The following DGKB variants were observed in gnomAD, a reference collection of about 807,000 sequenced individuals.
The protein encoded by DGKB is 90 kDa diacylglycerol kinase.
DGKB carries 67 observed loss-of-function variants against 114.3 expected under a neutral mutation model. The ratio of observed to expected loss-of-function variants is 0.59; its 90% CI spans 0.48 to 0.72. The LOEUF (loss-of-function observed/expected upper bound fraction) is 0.72. Ranked by LOEUF, DGKB falls within the 30% of genes least tolerant of loss-of-function variation. DGKB has a pLI of 0.00. For synonymous variants in DGKB, 398 were observed against 323.1 expected, an observed-to-expected ratio of 1.23 and a Z score of -2.49; for missense variants, 907 against 975.2, an observed-to-expected ratio of 0.93 and a Z score of 0.93.
At chr7:14,216,725 CAAAAAAA>C (rs755191130) in intron 23 of DGKB, among the ~76,000 whole-genome samples, 19 of 50,352 alleles carry the variant, frequency 3.8e-4, no homozygotes, top group Non-Finnish European at 6.0e-4. Context: ...GACTCCGTCT[CAAAAAAA>C]AAAAAAAAAA....
chr7:14,812,224 A>G (rs1392344838), intron 2 of DGKB, among the ~76,000 whole-genome samples: 1 of 152,136 alleles, frequency 6.6e-6, no homozygotes, highest in Non-Finnish European at 1.5e-5. Flanking sequence ...GCTTTTAGTT[A>G]TTATGAATAA....
rs372662701 is a variant in DGKB, at chr7:14,609,488, T to G, written c.1359-1980A>C. Among the ~76,000 whole-genome samples, 5 of 152,024 alleles carry G rather than the reference T, an allele frequency of 3.3e-5. No homozygotes were observed. The East Asian group carries it at 7.7e-4, about 24-fold the overall frequency. ...CGTGACAATGGCTTTGGCAACACAT[T>G]TTTTATTAAGTCCTCAAATTGCAAC... On this transcript the variant is annotated intron_variant, in intron 16 of 25. Coordinates refer to ENST00000402815, the MANE Select transcript of DGKB (RefSeq NM_001350709.2).
intron 1 of DGKB, among the ~76,000 whole-genome samples, chr7:14,872,487 G>C (rs1295385964): frequency 6.6e-6 from 1 of 152,134 alleles, no homozygotes; most frequent in Admixed American, 6.6e-5. Flanking sequence ...CTAAGTTTCT[G>C]CCTTATGTTA....
At chr7:14,187,736 G>T (rs972735615) in intron 23 of DGKB, among the ~76,000 whole-genome samples, 1 of 152,086 alleles carries the variant, frequency 6.6e-6, no homozygotes, top group Non-Finnish European at 1.5e-5. Context: ...ACTCCATAAT[G>T]TTGGAAAAAA....
chr7:14,731,362 T>C (rs1461551942), intron 5 of DGKB, among the ~76,000 whole-genome samples: 1 of 152,134 alleles, frequency 6.6e-6, no homozygotes, highest in Non-Finnish European at 1.5e-5. Context: ...TTGAGGTACG[T>C]TATGTCTGAC....
chr7:14,201,733 C>T (rs546467359), intron 23 of DGKB, among the ~76,000 whole-genome samples: 40 of 151,714 alleles, frequency 2.6e-4, no homozygotes, highest in African/African-American at 8.2e-4. Context: ...ATAGAGAGGA[C>T]GGCCTGGTGA....
At chr7:14,728,894 G>A (rs1204211942) in intron 5 of DGKB, among the ~76,000 whole-genome samples, 3 of 151,720 alleles carry the variant, frequency 2.0e-5, no homozygotes, top group African/African-American at 4.8e-5. Context: ...GTAAAGACGG[G>A]TTTCACTATG....
At position 14,418,392 on chromosome 7, in the gene DGKB, T is replaced by TAC. The variant is rs68166303; in HGVS notation, c.1835+59767_1835+59768dup. ...GTGTGTATATATATATATATATATA[T>TAC]ACACACACACATATATTCATGTGAG... On this transcript the variant is annotated intron_variant, in intron 21 of 25. Transcript: ENST00000402815. Among the ~76,000 whole-genome samples the TAC allele has an allele frequency of 2.5e-3, 344 of 137,060 alleles. 1 individual carries two copies. Among genetic ancestry groups the TAC allele is most frequent in the African/African-American group, 5.2e-3 (187 of 35,890 alleles). 89.9% of individuals were successfully genotyped at this position (137,060 alleles called of 152,430 possible). A position where few individuals can be genotyped will look rare whatever the true frequency, so the allele number is the denominator to read the frequency against.
Position 14,751,142 on chromosome 7 carries a change from A to C in DGKB, c.168+2786T>G, listed in dbSNP as rs184008010. ...AAGCCATTTCTAATGATGAAAAAGC[A>C]CAAGTAAAAACAACAGATAAACCCT... On this transcript the variant is annotated intron_variant, in intron 4 of 25. Transcript: ENST00000402815. Among the ~76,000 whole-genome samples, 482 of 152,280 alleles carry C rather than the reference A, an allele frequency of 3.2e-3. 4 individuals carry two copies. The highest frequency in any genetic ancestry group is 0.011 in the African/African-American group (458 of 41,558).
At position 14,183,090 on chromosome 7, in the gene DGKB, C is replaced by T. The variant is rs1483764761; in HGVS notation, c.2123-4939G>A. Reference sequence around the variant, plus strand: ...GAGCCATTATTTGGCCATAGTAAGACCAGGCTAGCTATGGAGTTGTACCTT... The same window carrying T: ...GAGCCATTATTTGGCCATAGTAAGATCAGGCTAGCTATGGAGTTGTACCTT... On this transcript the variant is annotated intron_variant, in intron 23 of 25. Transcript: ENST00000402815. Among the ~76,000 whole-genome samples the T allele has an allele frequency of 3.3e-5, 5 of 152,116 alleles. No homozygotes were observed. The East Asian group carries it at 9.6e-4, about 29-fold the overall frequency.
intron 21 of DGKB, among the ~76,000 whole-genome samples, chr7:14,373,831 C>T (rs919202060): frequency 6.6e-6 from 1 of 152,034 alleles, no homozygotes; most frequent in Non-Finnish European, 1.5e-5. Context: ...TTCTGATGGG[C>T]CCGTGCTTTC....
rs1213135774 is a variant in DGKB at position 14,655,054 on chromosome 7, G to C, written c.1134+17875C>G. The stretch of plus-strand genomic sequence containing the variant: ...CAAGACTATATGAAACTTTTAAAGA[G>C]CTTTTGCTCAGCGAAGGAAACAATC... On this transcript the variant is annotated intron_variant, in intron 13 of 25. Coordinates refer to ENST00000402815, the MANE Select transcript of DGKB (RefSeq NM_001350709.2). Among the ~76,000 whole-genome samples, 3 of 151,694 alleles carry C rather than the reference G, an allele frequency of 2.0e-5. No homozygotes were observed. The East Asian group carries it at 5.8e-4, about 29-fold the overall frequency.
intron 25 of DGKB, among the ~76,000 whole-genome samples, chr7:14,170,187 A>AAGAAAGAAAGAAAGAG (rs1780766924): frequency 2.2e-5 from 3 of 136,908 alleles, no homozygotes; most frequent in African/African-American, 8.5e-5. Context: ...GAAAGAAAGA[A>AAGAAAGAAAGAAAGAG]AGAAAGAAAG....
At chr7:14,900,383 C>G (rs1782823339) in intron 1 of DGKB, among the ~76,000 whole-genome samples, 1 of 152,152 alleles carries the variant, frequency 6.6e-6, no homozygotes, top group Non-Finnish European at 1.5e-5. Flanking sequence ...TTAGAGAATA[C>G]TGCAACAGTA....
At chr7:14,823,882 A>C (rs1283631654) in intron 2 of DGKB, among the ~76,000 whole-genome samples, 1 of 152,134 alleles carries the variant, frequency 6.6e-6, no homozygotes, top group South Asian at 2.1e-4. Flanking sequence ...TTTTAGCTCT[A>C]TGTATTCATC....
rs566186761 is a variant in DGKB at position 14,577,573 on chromosome 7, C to T, written c.1610-3201G>A. Among the ~76,000 whole-genome samples, 10 of 152,024 alleles carry T rather than the reference C, an allele frequency of 6.6e-5. No individual in the cohort carries two copies. In the South Asian group the frequency reaches 1.0e-3, roughly 16 times the overall value. The stretch of plus-strand genomic sequence containing the variant: ...CGGAGCCTGCAGTGAGCTGAGATTG[C>T]GCCACTGCACTCCAGCCTGGGCCAA... On this transcript the variant is annotated intron_variant, in intron 19 of 25. Transcript: ENST00000402815.
chr7:14,359,715 A>T (rs1024601434), intron 21 of DGKB, among the ~76,000 whole-genome samples: 3 of 152,188 alleles, frequency 2.0e-5, no homozygotes, highest in Non-Finnish European at 4.4e-5. Context: ...ACACATGAAA[A>T]AATGCTCATC....
intron 23 of DGKB, among the ~76,000 whole-genome samples, chr7:14,289,280 A>G (rs1295394544): frequency 6.6e-6 from 1 of 152,186 alleles, no homozygotes; most frequent in East Asian, 1.9e-4. Flanking sequence ...AACATTAGTA[A>G]TGAGACAAAT....
rs534048564 is a variant in DGKB at position 14,684,636 on chromosome 7, G to A, written c.829+609C>T. ...GAATAAAATGAAAATTGCAAAGATG[G>A]GTGAACTGAAATTTTTAAAATGGCC... is the stretch of plus-strand genomic sequence containing the variant. On this transcript the variant is annotated intron_variant, in intron 10 of 25. Transcript: ENST00000402815. Among the ~76,000 whole-genome samples the A allele has an allele frequency of 2.0e-5, 3 of 152,128 alleles. No homozygotes were observed. The South Asian group carries it at 6.2e-4, about 32-fold the overall frequency.
Sources: allele counts gnomAD v4.1 joint callset (sites outside exome capture counted in the v4.1 genomes callset), GRCh38; gene constraint gnomAD v4.1.1; transcripts MANE v1.5; gene names NCBI Gene and HGNC (gene_info 2026-07-23, HGNC 2026-07-21).